HK2: variants seen among roughly 807,000 people sequenced by gnomAD.
HK2 encodes the protein hexokinase-2.
A neutral mutation model predicts 92.9 loss-of-function variants in HK2; 42 were observed. The ratio of observed to expected loss-of-function variants is 0.45; its 90% CI spans 0.35 to 0.58. HK2 has a LOEUF of 0.58. HK2 is among the 20% of genes least tolerant of loss of function. The pLI is 0.00. For missense variants in HK2, 978 were observed against 1,245.1 expected (o/e 0.79, Z 3.23); for synonymous variants, 422 against 468.0 (o/e 0.90, Z 1.27).
Position 74,881,799 on chromosome 2 carries a change from G to A in HK2, c.1659G>A (p.Val553=), listed in dbSNP as rs1469344102. 1 of 1,613,980 alleles carries A rather than the reference G, an allele frequency of 6.2e-7. No homozygotes were observed. Among genetic ancestry groups the A allele is most frequent in the Non-Finnish European group, 8.5e-7 (1 of 1,180,000 alleles). The stretch of plus-strand genomic sequence containing the variant: ...TTCGGAATGGGAAGTGGGGTGGAGT[G>A]GAGATGCACAACAAGATCTACGCCA... ...VRVRNGKWGG[V]EMHNKIYAIP... The change falls in exon 11 of 18, where the codon GTG becomes GTA. Residue 553 remains valine, a synonymous_variant. Coordinates refer to ENST00000290573, the MANE Select transcript of HK2 (RefSeq NM_000189.5).
intron 17 of HK2, among the ~76,000 whole-genome samples, chr2:74,889,751 T>C (rs1689631263): frequency 6.6e-6 from 1 of 152,202 alleles, no homozygotes; most frequent in Admixed American, 6.5e-5. Context: ...CCCTTGCTTT[T>C]CTTTTCCACC....
At position 74,873,127 on chromosome 2, in the gene HK2, T is replaced by C. The variant is rs577571397; in HGVS notation, c.496-149T>C. The C allele has an allele frequency of 1.7e-5, 12 of 724,472 alleles. No homozygotes were observed. In the East Asian group the frequency reaches 3.1e-4, roughly 19 times the overall value. 44.9% of individuals were successfully genotyped at this position (724,472 alleles called of 1,614,324 possible). ...AGTGCCAGTTGTCCTGAGTTTCTTT[T>C]TCCTAGGCTAGCCAGGAAGTAACAC... is the stretch of plus-strand genomic sequence containing the variant. On this transcript the variant is annotated intron_variant, in intron 4 of 17. Transcript: ENST00000290573.
chr2:74,866,553 T>C (rs1208872059), intron 2 of HK2, among the ~76,000 whole-genome samples: 3 of 152,162 alleles, frequency 2.0e-5, no homozygotes, highest in East Asian at 1.9e-4. Flanking sequence ...CCCTTCCCCA[T>C]AGTCGGTGGT....
intron 1 of HK2, among the ~76,000 whole-genome samples, chr2:74,851,153 T>C (rs1207709598): frequency 6.6e-6 from 1 of 152,228 alleles, no homozygotes; most frequent in East Asian, 1.9e-4. Context: ...AGGGTGGCTG[T>C]CCTGACGGCC....
At chr2:74,851,334 CCAT>C (rs1287414257) in intron 1 of HK2, among the ~76,000 whole-genome samples, 1 of 152,212 alleles carries the variant, frequency 6.6e-6, no homozygotes, top group Non-Finnish European at 1.5e-5. Flanking sequence ...GCCGCTGTAA[CCAT>C]CACCCCATTA....
chr2:74,892,039 T>C lies in HK2; in HGVS notation c.*1098T>C, dbSNP rs909881434. 2.0e-5 allele frequency: 3 copies of C among 152,622 alleles called. No homozygotes were observed. Among genetic ancestry groups the C allele is most frequent in the African/African-American group, 7.2e-5 (3 of 41,448 alleles). 9.5% of individuals were successfully genotyped at this position (152,622 alleles called of 1,614,324 possible). A position where few individuals can be genotyped will look rare whatever the true frequency, so the allele number is the denominator to read the frequency against. ...AGTGTGTGGAAGGCAGGGACAGAGA[T>C]GGAGGCCGAGCCAATAGACTGAAGA... On this transcript the variant is annotated 3_prime_UTR_variant, in exon 18 of 18. Transcript: ENST00000290573.
intron 2 of HK2, among the ~76,000 whole-genome samples, chr2:74,864,805 C>A (rs1432482944): frequency 6.6e-6 from 1 of 152,264 alleles, no homozygotes. Context: ...CCACACCCAG[C>A]CTGTGTGTTT....
At chr2:74,877,497 T>C (rs564973701) in intron 8 of HK2, among the ~76,000 whole-genome samples, 176 bp downstream of exon 8, 1 of 152,158 alleles carries the variant, frequency 6.6e-6, no homozygotes, top group Admixed American at 6.5e-5. Flanking sequence ...GTCTCCACTC[T>C]TGTCGATTTC....
Position 74,872,334 on chromosome 2 carries a change from T to G in HK2, c.410T>G (p.Phe137Cys). The G allele has an allele frequency of 3.0e-5, 48 of 1,614,068 alleles. No homozygotes were observed. Among genetic ancestry groups the G allele is most frequent in the Non-Finnish European group, 4.1e-5 (48 of 1,179,962 alleles). Residue 137 changes from phenylalanine (F) to cysteine (C), a missense_variant, in exon 4 of 18, where the codon TTC becomes TGC. By Grantham distance (205) the Phe-to-Cys change is radical. Transcript: ENST00000290573. The stretch of plus-strand genomic sequence containing the variant: ...CACATTGCCGAATGCCTGGCTAACT[T>G]CATGGATAAGCTACAAATCAAAGAC... The part of the protein sequence containing the change: ...FDHIAECLAN[F>C]MDKLQIKDKK...
chr2:74,879,185 AC>A (rs1689319231), intron 9 of HK2, among the ~76,000 whole-genome samples: 2 of 151,860 alleles, frequency 1.3e-5, no homozygotes, highest in African/African-American at 4.8e-5. Context: ...TCTCTTTGCC[AC>A]CCTCTTGTAT....
At chr2:74,857,161 G>T (rs935714357) in intron 2 of HK2, among the ~76,000 whole-genome samples, 2 of 152,122 alleles carry the variant, frequency 1.3e-5, no homozygotes, top group East Asian at 3.8e-4. Context: ...CCCTCCCTCC[G>T]CATTTGCAGG....
At chr2:74,870,006 T>C (rs6743207) in intron 3 of HK2, among the ~76,000 whole-genome samples, 34 of 147,256 alleles carry the variant, frequency 2.3e-4, no homozygotes, top group Non-Finnish European at 3.3e-4. Flanking sequence ...CTTTTCTTTT[T>C]TTTTTTTTTT....
intron 1 of HK2, among the ~76,000 whole-genome samples, chr2:74,848,100 G>A (rs1219734322): frequency 6.6e-6 from 1 of 152,302 alleles, no homozygotes; most frequent in South Asian, 2.1e-4. Context: ...TCACACTGCT[G>A]TCTCTAGGTA....
Position 74,886,662 on chromosome 2 carries a change from C to A in HK2, c.2208C>A (p.Pro736=). The A allele has an allele frequency of 2.5e-6, 4 of 1,613,420 alleles. No individual in the cohort carries two copies. Among genetic ancestry groups the A allele is most frequent in the South Asian group, 1.1e-5 (1 of 91,054 alleles). The change falls in exon 15 of 18, where the codon CCC becomes CCA. Residue 736 remains proline (P), a synonymous_variant. Coordinates refer to ENST00000290573, the MANE Select transcript of HK2 (RefSeq NM_000189.5). ...DVAVDELSLN[P]GKQRFEKMIS... ...CTGTGGATGAGCTTTCACTCAACCC[C>A]GGCAAGCAGAGGTAGGCACCCAACT...
chr2:74,858,379 A>G (rs1688739957), intron 2 of HK2, among the ~76,000 whole-genome samples: 1 of 152,188 alleles, frequency 6.6e-6, no homozygotes, highest in South Asian at 2.1e-4. Context: ...GAGAGGTGAG[A>G]ATCAGAATTA....
At chr2:74,856,895 A>AT (rs1172957425) in intron 2 of HK2, among the ~76,000 whole-genome samples, 4 of 152,152 alleles carry the variant, frequency 2.6e-5, no homozygotes, top group Non-Finnish European at 5.9e-5. Context: ...CTCAACTAAA[A>AT]TTTTTTTGGA....
At chr2:74,888,141 A>C in intron 16 of HK2, 83 bp downstream of exon 16, 18 of 1,450,028 alleles carry the variant, frequency 1.2e-5, no homozygotes, top group Non-Finnish European at 1.4e-5. Context: ...TCCATAACTC[A>C]GGGCATGACT....
intron 3 of HK2, among the ~76,000 whole-genome samples, chr2:74,872,095 G>A (rs138116367): frequency 2.0e-3 from 302 of 152,324 alleles, no homozygotes; most frequent in African/African-American, 7.1e-3. Flanking sequence ...AAGCCTTTAT[G>A]TATTGACTCA....
intron 3 of HK2, among the ~76,000 whole-genome samples, chr2:74,870,007 T>C (rs529330769): frequency 1.4e-4 from 21 of 149,034 alleles, no homozygotes; most frequent in East Asian, 7.8e-4. Context: ...TTTTCTTTTT[T>C]TTTTTTTTTT....
Sources: gnomAD v4.1 joint callset for allele counts (sites outside exome capture counted in the v4.1 genomes callset) on GRCh38, gnomAD v4.1.1 for gene constraint, MANE v1.5 for transcripts, NCBI Gene and HGNC (gene_info 2026-07-23, HGNC 2026-07-21) for gene names.